Variants in RNF38 observed in about 807,000 individuals in gnomAD.
RNF38 encodes ring finger protein 38.
A neutral mutation model predicts 67.2 loss-of-function variants in RNF38; 15 were observed. The observed-to-expected ratio is 0.22, with a 90% CI of 0.15 to 0.34. RNF38 has a LOEUF of 0.34. Among genes scored for constraint, RNF38 ranks in the 10% least tolerant of loss-of-function variants. The pLI, the probability that RNF38 is intolerant of heterozygous loss-of-function variation, is 1.00. For missense variants in RNF38, 524 were observed against 639.9 expected (o/e 0.82, Z 1.95); for synonymous variants, 220 against 218.8 (o/e 1.01, Z -0.05).
At chr9:36,374,500 G>C (rs1835638571) in intron 3 of RNF38, among the ~76,000 whole-genome samples, 5 of 152,112 alleles carry the variant, frequency 3.3e-5, no homozygotes, top group Admixed American at 3.3e-4. Context: ...TTTTGAGACA[G>C]AGTCTTGCTC....
chr9:36,410,392 T>C (rs1249783932), intron 2 of RNF38, among the ~76,000 whole-genome samples: 1 of 152,170 alleles, frequency 6.6e-6, no homozygotes, highest in Non-Finnish European at 1.5e-5. Flanking sequence ...AATGGCATGA[T>C]CTCGGCTCAC....
At chr9:36,354,247 C>T (rs941374210) in intron 6 of RNF38, among the ~76,000 whole-genome samples, 1 of 152,154 alleles carries the variant, frequency 6.6e-6, no homozygotes, top group Admixed American at 6.5e-5. Flanking sequence ...GGCTGGAGTG[C>T]AGTGGCGCCA....
At chr9:36,378,746 C>A (rs920597372) in intron 2 of RNF38, among the ~76,000 whole-genome samples, 1 of 152,102 alleles carries the variant, frequency 6.6e-6, no homozygotes, top group Non-Finnish European at 1.5e-5. Context: ...TCTTACTTTA[C>A]AAGACATGCA....
At chr9:36,401,433 C>CA (rs1368111844), upstream of RNF38, among the ~76,000 whole-genome samples, 7 of 152,194 alleles carry the variant, frequency 4.6e-5, no homozygotes, top group Admixed American at 3.9e-4. Flanking sequence ...TAACTGACCT[C>CA]ACGTAGTTCT....
Position 36,339,571 on chromosome 9 carries a change from C to A in RNF38, c.*181G>T. The A allele has an allele frequency of 1.8e-6, 1 of 560,572 alleles. No individual in the cohort carries two copies. Among genetic ancestry groups the A allele is most frequent in the South Asian group, 2.5e-5 (1 of 39,560 alleles). The allele number at this position is 560,572 out of a possible 1,614,324, so 34.7% of individuals were successfully genotyped here. On this transcript the variant is annotated 3_prime_UTR_variant, in exon 12 of 12. Coordinates refer to ENST00000259605, the MANE Select transcript of RNF38 (RefSeq NM_022781.5). ...CAATCACACGGTTAGTATAACAATC[C>A]CATAACTGTGAAGACTAATTGTAAG...
At chr9:36,410,378 G>A (rs1564051853) in intron 2 of RNF38, among the ~76,000 whole-genome samples, 1 of 152,126 alleles carries the variant, frequency 6.6e-6, no homozygotes, top group Non-Finnish European at 1.5e-5. Flanking sequence ...CCAGGCTGGA[G>A]TGCAATGGCA....
At chr9:36,353,134 A>G in intron 7 of RNF38, 36 bp downstream of exon 7, 2 of 1,574,800 alleles carry the variant, frequency 1.3e-6, no homozygotes, top group Non-Finnish European at 8.7e-7. Context: ...AAGTTGCCAA[A>G]GCAAGTAATT....
At chr9:36,447,616 C>T (rs1039023039) in intron 1 of RNF38, among the ~76,000 whole-genome samples, 11 of 151,976 alleles carry the variant, frequency 7.2e-5, no homozygotes, top group African/African-American at 2.2e-4. Context: ...AATAAGCCAC[C>T]GAAGAAGCCT....
chr9:36,460,103 C>G (rs1839691981), intron 1 of RNF38, among the ~76,000 whole-genome samples: 1 of 152,072 alleles, frequency 6.6e-6, no homozygotes, highest in South Asian at 2.1e-4. Flanking sequence ...TTAGAGATCA[C>G]AAATGTAACT....
At chr9:36,421,474 A>C (rs1838625558) in intron 2 of RNF38, among the ~76,000 whole-genome samples, 2 of 151,184 alleles carry the variant, frequency 1.3e-5, no homozygotes, top group Non-Finnish European at 3.0e-5. Context: ...GACCAGCCTG[A>C]CCAACATGGA....
In RNF38 at chr9:36,393,011, C is replaced by CA. The variant is rs146346924; in HGVS notation, c.13-2396dup. On this transcript the variant is annotated intron_variant, in intron 1 of 11. Transcript: ENST00000259605. ...CTAAGGAGGGCTTTTGCCACTCTCT[C>CA]AAAATGGTTTGCTTCTTTATGTAGG... is the stretch of plus-strand genomic sequence containing the variant. Among the ~76,000 whole-genome samples, 370 of 152,322 alleles carry CA rather than the reference C, an allele frequency of 2.4e-3. 1 individual carries two copies. The highest frequency in any genetic ancestry group is 8.6e-3 in the African/African-American group (356 of 41,574).
At chr9:36,485,193 A>C (rs1311800516) in intron 1 of RNF38, among the ~76,000 whole-genome samples, 4 of 152,168 alleles carry the variant, frequency 2.6e-5, no homozygotes, top group Admixed American at 2.6e-4. Context: ...CAAATAAATA[A>C]TAAATAAAAA....
rs76454951 is a variant in RNF38 at position 36,415,225 on chromosome 9, G to T, written n.312+9388C>A. Among the ~76,000 whole-genome samples, 354 of 152,126 alleles carry T rather than the reference G, an allele frequency of 2.3e-3. 2 individuals carry two copies. Among genetic ancestry groups the T allele is most frequent in the African/African-American group, 7.9e-3 (329 of 41,528 alleles). ...TAACATAATCTCAAACTTATTGGAGGCTTTATTCAGTTTTTTTCTTTTTTG... is the reference window on the plus strand; with the variant it reads ...TAACATAATCTCAAACTTATTGGAGTCTTTATTCAGTTTTTTTCTTTTTTG... On this transcript the variant is annotated intron_variant and non_coding_transcript_variant, in intron 2 of 3. Coordinates refer to the RNF38 transcript ENST00000488058.
intron 2 of RNF38, among the ~76,000 whole-genome samples, chr9:36,423,797 A>C (rs1838694287): frequency 1.1e-5 from 1 of 88,338 alleles, no homozygotes; most frequent in Non-Finnish European, 2.7e-5. Context: ...AAAATACAAA[A>C]AATTAGCCGG....
At chr9:36,340,641 G>A (rs1832766804) in intron 11 of RNF38, among the ~76,000 whole-genome samples, 1 of 152,128 alleles carries the variant, frequency 6.6e-6, no homozygotes, top group Non-Finnish European at 1.5e-5. Flanking sequence ...CAAAATGTTG[G>A]GATTACATGC....
intron 1 of RNF38, among the ~76,000 whole-genome samples, chr9:36,453,179 T>G (rs12335818): frequency 6.6e-6 from 1 of 151,872 alleles, no homozygotes; most frequent in Non-Finnish European, 1.5e-5. Flanking sequence ...TCTTCTATTA[T>G]TATAGCCATC....
chr9:36,443,270 A>G (rs1839234602), intron 1 of RNF38, among the ~76,000 whole-genome samples: 1 of 152,190 alleles, frequency 6.6e-6, no homozygotes, highest in African/African-American at 2.4e-5. Context: ...AGATAATAAA[A>G]TCTCTGATGA....
At chr9:36,375,811 T>C (rs979015889) in intron 3 of RNF38, 123 bp downstream of exon 3, 3 of 818,274 alleles carry the variant, frequency 3.7e-6, no homozygotes, top group African/African-American at 3.6e-5. Context: ...CGTGAGTGAA[T>C]GTACGTGTAT....
At chr9:36,442,751 C>T (rs1408723848) in intron 1 of RNF38, among the ~76,000 whole-genome samples, 1 of 152,216 alleles carries the variant, frequency 6.6e-6, no homozygotes, top group African/African-American at 2.4e-5. Context: ...TGCACTCTAG[C>T]CTGGCAACAG....
Sources: gnomAD v4.1 joint callset for allele counts (sites outside exome capture counted in the v4.1 genomes callset) on GRCh38, gnomAD v4.1.1 for gene constraint, MANE v1.5 for transcripts, NCBI Gene and HGNC (gene_info 2026-07-23, HGNC 2026-07-21) for gene names.